TENM1: variants seen among roughly 807,000 people sequenced by gnomAD.
TENM1 encodes the protein teneurin-1.
TENM1 carries 35 observed loss-of-function variants against 174.8 expected under a neutral mutation model. That is an observed-to-expected ratio of 0.20 (90% CI 0.15 to 0.27). The LOEUF (loss-of-function observed/expected upper bound fraction) is 0.27, where lower values mean the gene tolerates loss of function less well. TENM1 is among the 10% of genes least tolerant of loss of function. TENM1 has a pLI of 1.00. For synonymous variants in TENM1, 781 were observed against 798.7 expected, an observed-to-expected ratio of 0.98 and a Z score of 0.37; for missense variants, 1,633 against 2,130.1, an observed-to-expected ratio of 0.77 and a Z score of 4.59.
the TENM1 span, among the ~76,000 whole-genome samples, chrX:125,084,132 C>T: frequency 9.0e-6 from 1 of 110,710 alleles, no homozygotes; most frequent in African/African-American, 3.3e-5. Context: ...TTTCAGCCTT[C>T]CCTCCCCTTT....
intron 11 of TENM1, among the ~76,000 whole-genome samples, chrX:124,596,099 T>C (rs1227972918): frequency 1.8e-5 from 2 of 112,457 alleles, no homozygotes; most frequent in African/African-American, 6.5e-5. Flanking sequence ...ATTTTATTTT[T>C]AAGCAACTGA....
chrX:124,381,128 G>A (rs1288507625), exon 32 of TENM1: 3 of 1,209,618 alleles, frequency 2.5e-6, no homozygotes, highest in Admixed American at 4.4e-5. Flanking sequence ...ATCCTTGATG[G>A]CAAATTTTAT....
intron 4 of TENM1, among the ~76,000 whole-genome samples, chrX:124,710,191 T>C (rs1349525715): frequency 9.0e-6 from 1 of 110,893 alleles, no homozygotes; most frequent in East Asian, 2.8e-4. Flanking sequence ...AGTGTAGCAC[T>C]ATACAGGCAG....
chrX:125,174,148 C>A, the TENM1 span, among the ~76,000 whole-genome samples: 1 of 111,269 alleles, frequency 9.0e-6, no homozygotes, highest in African/African-American at 3.3e-5. Context: ...ATATGATGTG[C>A]TCACCGTTAG....
intron 23 of TENM1, among the ~76,000 whole-genome samples, chrX:124,426,304 T>C (rs747641320): frequency 9.0e-6 from 1 of 111,721 alleles, no homozygotes; most frequent in African/African-American, 3.3e-5. Flanking sequence ...ATGGCCAAAA[T>C]AGTAACAGTA....
At chrX:124,670,716 A>C (rs2148433433) in intron 6 of TENM1, among the ~76,000 whole-genome samples, 1 of 111,462 alleles carries the variant, frequency 9.0e-6, no homozygotes, top group Non-Finnish European at 1.9e-5. Context: ...CGCCACCACG[A>C]AAGGAATTAA....
intron 5 of TENM1, among the ~76,000 whole-genome samples, chrX:124,686,537 C>A (rs936464707): frequency 6.8e-4 from 76 of 111,867 alleles, no homozygotes; most frequent in African/African-American, 2.3e-3. Flanking sequence ...TATTGGCAAA[C>A]CAAATCCAGC....
At chrX:124,743,797 T>A (rs1316142220) in intron 3 of TENM1, among the ~76,000 whole-genome samples, 1 of 112,031 alleles carries the variant, frequency 8.9e-6, no homozygotes, top group Non-Finnish European at 1.9e-5. Context: ...GCACCTATGA[T>A]CCTTTGACAT....
At chrX:124,822,446 G>C (rs963756645) in intron 3 of TENM1, among the ~76,000 whole-genome samples, 1 of 111,973 alleles carries the variant, frequency 8.9e-6, no homozygotes, top group African/African-American at 3.2e-5. Context: ...ACATGTGTCT[G>C]TTGCATCCAT....
intron 3 of TENM1, among the ~76,000 whole-genome samples, chrX:124,848,772 T>A (rs1463309982): frequency 9.0e-6 from 1 of 111,077 alleles, no homozygotes; most frequent in African/African-American, 3.3e-5. Flanking sequence ...TATACTGTCA[T>A]AGATATTCAA....
the TENM1 span, among the ~76,000 whole-genome samples, chrX:125,096,526 C>G: frequency 8.9e-6 from 1 of 111,922 alleles, no homozygotes; most frequent in African/African-American, 3.2e-5. Context: ...TTATTTTCTA[C>G]AGGAATACTC....
At chrX:124,385,999 C>T (rs1194669892) in exon 29 of TENM1, 1 of 1,209,094 alleles carries the variant, frequency 8.3e-7, no homozygotes, top group Non-Finnish European at 1.1e-6. Flanking sequence ...TGACTGAGAG[C>T]AGACAATCTG....
chrX:124,658,555 TGA>T (rs1428635593), intron 6 of TENM1, among the ~76,000 whole-genome samples: 16 of 111,888 alleles, frequency 1.4e-4, no homozygotes, highest in Non-Finnish European at 2.8e-4. Flanking sequence ...AATTTACTGG[TGA>T]GAGGAAGAAT....
chrX:124,563,094 A>G (rs902327840), intron 13 of TENM1, among the ~76,000 whole-genome samples: 1 of 111,718 alleles, frequency 9.0e-6, no homozygotes, highest in African/African-American at 3.2e-5. Flanking sequence ...TTGTAGTTCT[A>G]TTCTAATGGA....
At chrX:124,435,880 G>A in intron 23 of TENM1, among the ~76,000 whole-genome samples, 2 of 111,725 alleles carry the variant, frequency 1.8e-5, no homozygotes, top group Middle Eastern at 4.6e-3. Context: ...ATCATTTAAG[G>A]AAGCATGCGG....
At chrX:124,517,579 T>A (rs1188980860) in intron 18 of TENM1, among the ~76,000 whole-genome samples, 1 of 99,258 alleles carries the variant, frequency 1.0e-5, no homozygotes, top group Non-Finnish European at 2.0e-5. Flanking sequence ...AACCGAACAC[T>A]GCATGTTCTC....
At chrX:124,393,638 CTT>C (rs1049935027) in intron 27 of TENM1, among the ~76,000 whole-genome samples, 2 of 111,535 alleles carry the variant, frequency 1.8e-5, no homozygotes, top group African/African-American at 6.5e-5. Context: ...TGTGTTAAAA[CTT>C]TTTATTTTTA....
At chrX:124,497,264 T>C in exon 20 of TENM1, 4 of 1,196,977 alleles carry the variant, frequency 3.3e-6, no homozygotes, top group Non-Finnish European at 4.5e-6. Flanking sequence ...TATGTATGAT[T>C]CCTAGATTCA....
chrX:125,116,804 G>A, the TENM1 span, among the ~76,000 whole-genome samples: 1 of 111,525 alleles, frequency 9.0e-6, no homozygotes, highest in African/African-American at 3.3e-5. Flanking sequence ...GAGGTCAGGA[G>A]TTCAAGACCA....
Sources: gnomAD v4.1 joint callset for allele counts (sites outside exome capture counted in the v4.1 genomes callset) on GRCh38, gnomAD v4.1.1 for gene constraint, MANE v1.5 for transcripts, NCBI Gene and HGNC (gene_info 2026-07-23, HGNC 2026-07-21) for gene names.